The following EZH2 variants were observed in gnomAD, a reference collection of about 807,000 sequenced individuals.
The protein encoded by EZH2 is enhancer of zeste 2 polycomb repressive complex 2 subunit.
EZH2 carries 18 observed loss-of-function variants against 98.4 expected under a neutral mutation model. That is an observed-to-expected ratio of 0.18 (90% CI 0.13 to 0.27). EZH2 has a LOEUF of 0.27. EZH2 is among the 10% of genes least tolerant of loss of function. EZH2 has a pLI of 1.00. For missense variants in EZH2, 470 were observed against 935.1 expected, an observed-to-expected ratio of 0.50 and a Z score of 6.49; for synonymous variants, 338 against 312.3, an observed-to-expected ratio of 1.08 and a Z score of -0.87.
At chr7:148,841,337 C>G (rs780815984) in intron 3 of EZH2, among the ~76,000 whole-genome samples, 1 of 152,058 alleles carries the variant, frequency 6.6e-6, no homozygotes, top group Non-Finnish European at 1.5e-5. Flanking sequence ...CATGGATTTA[C>G]AAGTTATACA....
At chr7:148,877,741 T>C (rs1820373411) in intron 1 of EZH2, among the ~76,000 whole-genome samples, 1 of 152,216 alleles carries the variant, frequency 6.6e-6, no homozygotes, top group Non-Finnish European at 1.5e-5. Flanking sequence ...TCCTCAAAGT[T>C]AACCTTTAGT....
At chr7:148,873,257 C>T (rs955033616) in intron 1 of EZH2, among the ~76,000 whole-genome samples, 1 of 151,750 alleles carries the variant, frequency 6.6e-6, no homozygotes, top group African/African-American at 2.4e-5. Flanking sequence ...TTTGCAAGGC[C>T]AAGGCAGGCA....
chr7:148,861,659 T>A (rs1380967563), intron 1 of EZH2, among the ~76,000 whole-genome samples: 1 of 152,050 alleles, frequency 6.6e-6, no homozygotes, highest in Non-Finnish European at 1.5e-5. Context: ...AAAAGAAACT[T>A]ATTTTCCTTT....
chr7:148,836,807 G>A (rs1478561800), intron 3 of EZH2: 3 of 492,236 alleles, frequency 6.1e-6, no homozygotes, highest in African/African-American at 5.8e-5. Context: ...TTCCTCTGAG[G>A]ATGGATAGAC....
chr7:148,827,288 G>GA, intron 6 of EZH2, 22 bp from the exon 7 acceptor site: 2 of 1,559,136 alleles, frequency 1.3e-6, no homozygotes, highest in Non-Finnish European at 8.8e-7. Flanking sequence ...AATATGAAAG[G>GA]AAAAAAAGAA....
chr7:148,828,590 A>C, intron 6 of EZH2, 150 bp downstream of exon 6: 1 of 1,053,202 alleles, frequency 9.5e-7, no homozygotes, highest in Non-Finnish European at 1.3e-6. Context: ...ACCTGGCCAT[A>C]ATATGTTAAT....
chr7:148,815,845 G>A (rs1804405051), intron 12 of EZH2, among the ~76,000 whole-genome samples: 1 of 152,208 alleles, frequency 6.6e-6, no homozygotes, highest in African/African-American at 2.4e-5. Context: ...GATTTATTCT[G>A]ATGTGGATGA....
At chr7:148,837,036 ATG>A (rs1233555809) in intron 3 of EZH2, 1 of 486,666 alleles carries the variant, frequency 2.1e-6, no homozygotes, top group Non-Finnish European at 4.1e-6. Flanking sequence ...ACACCCTACT[ATG>A]TGCCAAGCAC....
At chr7:148,849,258 G>C (rs1585176971) in intron 1 of EZH2, among the ~76,000 whole-genome samples, 3 of 152,098 alleles carry the variant, frequency 2.0e-5, no homozygotes, top group Non-Finnish European at 4.4e-5. Flanking sequence ...AAGGATGGCA[G>C]GAAAGGTAAC....
At chr7:148,871,323 C>T (rs551080755) in intron 1 of EZH2, among the ~76,000 whole-genome samples, 3 of 150,386 alleles carry the variant, frequency 2.0e-5, no homozygotes, top group African/African-American at 7.3e-5. Context: ...ACCATATGAT[C>T]CAGCAATCAC....
At position 148,829,773 on chromosome 7, in the gene EZH2, C is replaced by T. The variant is rs2129476936; in HGVS notation, c.439G>A (p.Glu147Lys). The change falls in exon 5 of 20, where the codon GAA becomes AAA. Residue 147 changes from glutamate to lysine, a missense_variant. Glu to Lys is a moderately conservative substitution (Grantham distance 56). Transcript: ENST00000320356. ...EVLDQDGTFI[E>K]ELIKNYDGKV... Reference sequence around the variant, plus strand: ...CCATCATAATTTTTTATTAGTTCTTCAATGAAAGTACCATCCTGATCTAAA... The same window carrying T: ...CCATCATAATTTTTTATTAGTTCTTTAATGAAAGTACCATCCTGATCTAAA... 6.2e-7 allele frequency: 1 copy of T among 1,609,866 alleles called. No individual in the cohort carries two copies. Among genetic ancestry groups the T allele is most frequent in the Non-Finnish European group, 8.5e-7 (1 of 1,178,178 alleles).
chr7:148,855,103 A>T (rs1470061257), intron 1 of EZH2, among the ~76,000 whole-genome samples: 1 of 152,274 alleles, frequency 6.6e-6, no homozygotes, highest in East Asian at 1.9e-4. Context: ...ATCAGGATTC[A>T]AAACAGACAA....
At position 148,815,399 on chromosome 7, in the gene EZH2, A is replaced by C. The variant is rs574045566; in HGVS notation, c.1546+107T>G. ...CAAATTGGTTTAACATACAGAAGGCAATTATATTAGAATAACCCAAGCTCT... is the reference window on the plus strand; with the variant it reads ...CAAATTGGTTTAACATACAGAAGGCCATTATATTAGAATAACCCAAGCTCT... On this transcript the variant is annotated intron_variant, in intron 13 of 19. Coordinates refer to ENST00000320356, the MANE Select transcript of EZH2 (RefSeq NM_004456.5). 6 of 1,184,200 alleles carry C rather than the reference A, an allele frequency of 5.1e-6. No homozygotes were observed. In the South Asian group the frequency reaches 7.5e-5, roughly 15 times the overall value. 73.4% of individuals were successfully genotyped at this position (1,184,200 alleles called of 1,614,324 possible).
intron 7 of EZH2, among the ~76,000 whole-genome samples, chr7:148,826,875 A>G (rs1807861750): frequency 6.6e-6 from 1 of 152,234 alleles, no homozygotes; most frequent in South Asian, 2.1e-4. Context: ...CTAAACATCA[A>G]ATTTCTACCA....
chr7:148,871,791 T>TC (rs2129492118), intron 1 of EZH2, among the ~76,000 whole-genome samples: 1 of 152,190 alleles, frequency 6.6e-6, no homozygotes, highest in African/African-American at 2.4e-5. Flanking sequence ...TCCAGGCTGG[T>TC]CTCGAACTCC....
At position 148,828,347 on chromosome 7, in the gene EZH2, TC is replaced by T. The variant is rs1447277896; in HGVS notation, c.625+392del. ...GTTGCAAGTATTATGCTTTTTTTTT[TC>T]TTTTTTAAGGCAAGGTCTCACTCTG... On this transcript the variant is annotated intron_variant, in intron 6 of 19. Coordinates refer to ENST00000320356, the MANE Select transcript of EZH2 (RefSeq NM_004456.5). 5.9e-5 allele frequency among the ~76,000 whole-genome samples: 9 copies of T among 152,192 alleles called. No homozygotes were observed. In the South Asian group the frequency reaches 8.3e-4, roughly 14 times the overall value.
At chr7:148,859,084 T>C (rs1817276429) in intron 1 of EZH2, among the ~76,000 whole-genome samples, 2 of 152,246 alleles carry the variant, frequency 1.3e-5, no homozygotes, top group Admixed American at 6.5e-5. Flanking sequence ...TATGCATTCA[T>C]TAAGTCAACA....
intron 1 of EZH2, among the ~76,000 whole-genome samples, chr7:148,854,825 T>C (rs1242002357): frequency 6.6e-6 from 1 of 152,238 alleles, no homozygotes; most frequent in Non-Finnish European, 1.5e-5. Flanking sequence ...ATTTCATTTA[T>C]TTTTAATGTT....
At chr7:148,853,954 C>T (rs1172341621) in intron 1 of EZH2, among the ~76,000 whole-genome samples, 3 of 152,204 alleles carry the variant, frequency 2.0e-5, no homozygotes, top group Non-Finnish European at 2.9e-5. Context: ...CCAAGACACA[C>T]CTTCCTACCT....
Sources: allele counts gnomAD v4.1 joint callset (sites outside exome capture counted in the v4.1 genomes callset), GRCh38; gene constraint gnomAD v4.1.1; transcripts MANE v1.5; gene names NCBI Gene and HGNC (gene_info 2026-07-23, HGNC 2026-07-21).